Variants in FBN1 observed in about 807,000 individuals in gnomAD.
FBN1 encodes fibrillin-1.
FBN1 carries 29 observed loss-of-function variants against 365.1 expected under a neutral mutation model. The ratio of observed to expected loss-of-function variants is 0.08; its 90% CI spans 0.06 to 0.11. FBN1 has a LOEUF of 0.11. Among genes scored for constraint, FBN1 ranks in the 10% least tolerant of loss-of-function variants. The pLI is 1.00. For missense variants in FBN1, 2,476 were observed against 3,703.2 expected (o/e 0.67, Z 8.60); for synonymous variants, 1,210 against 1,270.5 (o/e 0.95, Z 1.01).
At chr15:48,474,131 G>A (rs1430722287) in intron 34 of FBN1, 124 bp downstream of exon 34, 2 of 1,446,108 alleles carry the variant, frequency 1.4e-6, no homozygotes, top group Admixed American at 3.5e-5. Flanking sequence ...GAGCTCTAGT[G>A]CCAAATGATG....
chr15:48,537,023 A>G (rs556872161), intron 7 of FBN1, among the ~76,000 whole-genome samples: 23 of 152,294 alleles, frequency 1.5e-4, no homozygotes, highest in African/African-American at 5.5e-4. Context: ...TACAGCTGGA[A>G]GAACAGGAGT....
At chr15:48,451,067 G>C (rs2043197729) in intron 45 of FBN1, among the ~76,000 whole-genome samples, 1 of 152,152 alleles carries the variant, frequency 6.6e-6, no homozygotes, top group Non-Finnish European at 1.5e-5. Context: ...CAACACTTAT[G>C]GCTGGCTGCA....
chr15:48,497,467 A>G (rs1332175444), intron 18 of FBN1, 76 bp from the exon 19 acceptor site: 1 of 1,394,104 alleles, frequency 7.2e-7, no homozygotes, highest in Non-Finnish European at 1.0e-6. Context: ...ATATAACACT[A>G]CAATAAATGT....
At position 48,412,509 on chromosome 15, in the gene FBN1, A is replaced by G. The variant is rs1000875525; in HGVS notation, c.8226+60T>C. ...TTGGAGCATCCTTGGAGGAAACCACAGGAATCTGGAAGGGCTTTCCACCAC... is the reference window on the plus strand; with the variant it reads ...TTGGAGCATCCTTGGAGGAAACCACGGGAATCTGGAAGGGCTTTCCACCAC... On this transcript the variant is annotated intron_variant, in intron 65 of 65. Transcript: ENST00000316623. 1.3e-5 allele frequency: 20 copies of G among 1,573,984 alleles called. No homozygotes were observed. The Admixed American group carries it at 3.3e-4, about 26-fold the overall frequency.
chr15:48,409,373 T>C lies in FBN1; in HGVS notation c.*1617A>G, dbSNP rs2042842807. The C allele has an allele frequency of 6.6e-6, 1 of 152,184 alleles. No homozygotes were observed. The highest frequency in any genetic ancestry group is 1.5e-5 in the Non-Finnish European group (1 of 68,032). The allele number at this position is 152,184 out of a possible 1,614,324, so 9.4% of individuals were successfully genotyped here. A position where few individuals can be genotyped will look rare whatever the true frequency, so the allele number is the denominator to read the frequency against. On this transcript the variant is annotated 3_prime_UTR_variant, in exon 66 of 66. Coordinates refer to ENST00000316623, the MANE Select transcript of FBN1 (RefSeq NM_000138.5). ...TTTTTCAGCTGAGCTCTTCAAAGAT[T>C]TTTGAGAGCACTTTCCTGTGTCCTA...
At chr15:48,544,225 T>C (rs905930532) in intron 6 of FBN1, among the ~76,000 whole-genome samples, 2 of 152,106 alleles carry the variant, frequency 1.3e-5, no homozygotes, top group African/African-American at 2.4e-5. Flanking sequence ...ACAATAAGGT[T>C]TGAATATACT....
chr15:48,558,234 T>C (rs911175604), intron 6 of FBN1, among the ~76,000 whole-genome samples: 3 of 152,220 alleles, frequency 2.0e-5, no homozygotes, highest in African/African-American at 7.2e-5. Flanking sequence ...GAATATCTTC[T>C]TCCAGTTTAT....
In FBN1 at chr15:48,472,559, G is replaced by A. The variant is rs560230585; in HGVS notation, c.4328C>T (p.Ala1443Val). 11 of 1,613,784 alleles carry A rather than the reference G, an allele frequency of 6.8e-6. No individual in the cohort carries two copies. The South Asian group carries it at 1.2e-4, about 18-fold the overall frequency. The change falls in exon 35 of 66, where the codon GCC becomes GTC. Residue 1443 changes from alanine to valine, a missense_variant. Around this residue, in one of 5 missense-constraint regions of FBN1, gnomAD observed 1,780 missense variants for 2,840.8 expected, o/e 0.63. Transcript: ENST00000316623. ...GCTTCCCCATCAGTTACCTTCACAGGCTTTCCCGTCAGCACTGGGCACGAA... is the reference window on the plus strand; with the variant it reads ...GCTTCCCCATCAGTTACCTTCACAGACTTTCCCGTCAGCACTGGGCACGAA... ...MGFVPSADGK[A>V]CEDIDECSLP...
chr15:48,520,399 A>C (rs2043841409), intron 10 of FBN1, among the ~76,000 whole-genome samples: 1 of 152,196 alleles, frequency 6.6e-6, no homozygotes, highest in African/African-American at 2.4e-5. Flanking sequence ...AAATGAGAAT[A>C]AGTACTTCCC....
intron 6 of FBN1, among the ~76,000 whole-genome samples, chr15:48,538,939 T>A (rs2044034878): frequency 6.6e-6 from 1 of 152,202 alleles, no homozygotes; most frequent in African/African-American, 2.4e-5. Context: ...ACTACTGGGA[T>A]GCTTTCATTA....
chr15:48,456,489 T>A lies in FBN1; in HGVS notation c.5422+148A>T, dbSNP rs1047847908. 6.1e-6 allele frequency: 5 copies of A among 824,366 alleles called. No individual in the cohort carries two copies. In the African/African-American group the frequency reaches 8.6e-5, roughly 14 times the overall value. 51.1% of individuals were successfully genotyped at this position (824,366 alleles called of 1,614,324 possible). On this transcript the variant is annotated intron_variant, in intron 44 of 65. Coordinates refer to ENST00000316623, the MANE Select transcript of FBN1 (RefSeq NM_000138.5). ...GTGAATTTTTTTTTTTTGCATGAAATTTCATGTTGTTCCACACCATGCCCT... is the reference window on the plus strand; with the variant it reads ...GTGAATTTTTTTTTTTTGCATGAAAATTCATGTTGTTCCACACCATGCCCT...
Position 48,494,214 on chromosome 15 carries a change from T to C in FBN1, c.2718A>G (p.Thr906=), listed in dbSNP as rs2141302366. 1 of 1,612,522 alleles carries C rather than the reference T, an allele frequency of 6.2e-7. No individual in the cohort carries two copies. The highest frequency in any genetic ancestry group is 1.3e-5 in the African/African-American group (1 of 75,018). Residue 906 remains threonine, a synonymous_variant, in exon 23 of 66, where the codon ACA becomes ACG. Transcript: ENST00000316623. ...AGTAATCAGAAATACCTTCACATTG[T>C]GTTCCTTTAATTCTTGAGTACCCTT... The part of the protein sequence containing the change: ...CGKGYSRIKG[T]QCEDIDECEV...
rs1200611876 is a variant in FBN1, at chr15:48,468,615, T to C, written c.4460-81A>G. On this transcript the variant is annotated intron_variant, in intron 36 of 65. Coordinates refer to ENST00000316623, the MANE Select transcript of FBN1 (RefSeq NM_000138.5). ...CACCATAAAAGAACAGGGCCCAATCTAGAGCTCCAAACAAGAATTTTAAAG... is the reference window on the plus strand; with the variant it reads ...CACCATAAAAGAACAGGGCCCAATCCAGAGCTCCAAACAAGAATTTTAAAG... 2.7e-6 allele frequency: 4 copies of C among 1,461,856 alleles called. No individual in the cohort carries two copies. In the Admixed American group the frequency reaches 5.2e-5, roughly 19 times the overall value. 90.6% of individuals were successfully genotyped at this position (1,461,856 alleles called of 1,614,324 possible).
At chr15:48,481,353 C>T (rs987438443) in intron 32 of FBN1, among the ~76,000 whole-genome samples, 2 of 152,054 alleles carry the variant, frequency 1.3e-5, no homozygotes, top group African/African-American at 4.8e-5. Context: ...TGGTAATTAG[C>T]ATGTTCACTA....
At chr15:48,440,287 T>C (rs565806789) in intron 50 of FBN1, among the ~76,000 whole-genome samples, 4 of 152,314 alleles carry the variant, frequency 2.6e-5, no homozygotes, top group Admixed American at 6.5e-5. Flanking sequence ...GCTGAGCATG[T>C]GGCAGGGCTG....
chr15:48,573,440 TG>T (rs1178801067), intron 6 of FBN1, among the ~76,000 whole-genome samples: 1 of 152,154 alleles, frequency 6.6e-6, no homozygotes, highest in African/African-American at 2.4e-5. Flanking sequence ...TTAAACAATA[TG>T]GCTTATAGTG....
intron 25 of FBN1, 120 bp from the exon 26 acceptor site, chr15:48,488,613 T>C (rs2141295478): frequency 2.6e-6 from 3 of 1,137,262 alleles, no homozygotes; most frequent in Non-Finnish European, 3.8e-6. Flanking sequence ...CTTGGCAGTA[T>C]ACATTTCCAA....
intron 2 of FBN1, chr15:48,640,951 A>G (rs938788934): frequency 2.0e-5 from 3 of 151,776 alleles, no homozygotes; most frequent in Non-Finnish European, 4.4e-5. Flanking sequence ...TTTAGAGTTT[A>G]GCTGAGAAAA....
intron 6 of FBN1, among the ~76,000 whole-genome samples, chr15:48,578,408 G>A (rs1025589782): frequency 2.0e-5 from 3 of 152,142 alleles, no homozygotes; most frequent in African/African-American, 4.8e-5. Context: ...GTGGTTTGAC[G>A]TATCCTTTGT....
Sources: gnomAD v4.1 joint callset for allele counts (sites outside exome capture counted in the v4.1 genomes callset) on GRCh38, gnomAD v4.1.1 for gene constraint, gnomAD v4.1.1 regional missense constraint, MANE v1.5 for transcripts, NCBI Gene and HGNC (gene_info 2026-07-23, HGNC 2026-07-21) for gene names.